Variants in TSNARE1 observed in about 807,000 individuals in gnomAD.
The protein encoded by TSNARE1 is t-SNARE domain-containing protein 1.
Under a neutral mutation model 62.0 loss-of-function variants are expected in TSNARE1, and 49 were observed. The ratio of observed to expected loss-of-function variants is 0.79; its 90% CI spans 0.63 to 1.00. The LOEUF is 1.00. Among genes scored for constraint, TSNARE1 ranks in the 50% least tolerant of loss-of-function variants. The pLI, the probability that TSNARE1 is intolerant of heterozygous loss-of-function variation, is 0.00. For synonymous variants in TSNARE1, 328 were observed against 294.4 expected, an observed-to-expected ratio of 1.11 and a Z score of -1.17; for missense variants, 755 against 700.1, an observed-to-expected ratio of 1.08 and a Z score of -0.88.
At chr8:142,226,715 G>A (rs1379664881) in intron 13 of TSNARE1, among the ~76,000 whole-genome samples, 1 of 152,120 alleles carries the variant, frequency 6.6e-6, no homozygotes, top group East Asian at 1.9e-4. Context: ...GGCTCCCCAG[G>A]GCAGGACCTC....
At chr8:142,406,385 TCAA>T (rs963101878), upstream of TSNARE1, 1 of 152,240 alleles carries the variant, frequency 6.6e-6, no homozygotes, top group Non-Finnish European at 1.5e-5. Context: ...GTCCTGCCCC[TCAA>T]CAACGATGGC....
At position 142,344,537 on chromosome 8, in the gene TSNARE1, C is replaced by G. The variant is rs1023605578; in HGVS notation, c.239-65G>C. 4 of 1,417,550 alleles carry G rather than the reference C, an allele frequency of 2.8e-6. No individual in the cohort carries two copies. In the African/African-American group the frequency reaches 5.9e-5, roughly 21 times the overall value. The allele number at this position is 1,417,550 out of a possible 1,614,324, so 87.8% of individuals were successfully genotyped here. A position where few individuals can be genotyped will look rare whatever the true frequency, so the allele number is the denominator to read the frequency against. ...CCTGTGGAGGCAGCGGCCCCGGCGG[C>G]AGCTCCCTACGGCGCCTCCTCTCTG... On this transcript the variant is annotated intron_variant, in intron 3 of 13. Transcript: ENST00000524325.
intron 11 of TSNARE1, chr8:142,278,557 G>A (rs1359045242): frequency 3.0e-6 from 3 of 985,274 alleles, no homozygotes; most frequent in East Asian, 1.1e-4. Flanking sequence ...GTGTCTTGAG[G>A]AGGAGAGGAG....
In TSNARE1 at chr8:142,284,505, C is replaced by T. The variant is rs781507659; in HGVS notation, c.1291-20G>A. On this transcript the variant is annotated intron_variant, in intron 10 of 13. Transcript: ENST00000524325. Reference sequence around the variant, plus strand: ...GTTGCTCTGTGGAAACAACATAGAACCACATCAGGAGCAGGGCTGTGGGGC... The same window carrying T: ...GTTGCTCTGTGGAAACAACATAGAATCACATCAGGAGCAGGGCTGTGGGGC... The T allele has an allele frequency of 1.2e-6, 2 of 1,609,580 alleles. No homozygotes were observed. Among genetic ancestry groups the T allele is most frequent in the Middle Eastern group, 1.7e-4 (1 of 6,056 alleles).
At chr8:142,341,502 G>C (rs1459161633) in intron 4 of TSNARE1, among the ~76,000 whole-genome samples, 1 of 152,166 alleles carries the variant, frequency 6.6e-6, no homozygotes, top group African/African-American at 2.4e-5. Flanking sequence ...CCCGGGGCCT[G>C]ACCCCAGCCT....
intron 10 of TSNARE1, among the ~76,000 whole-genome samples, chr8:142,292,493 C>T (rs983698333): frequency 5.3e-5 from 8 of 152,196 alleles, no homozygotes; most frequent in East Asian, 3.9e-4. Flanking sequence ...TGGTGGGTGG[C>T]GGGCACAGAC....
Position 142,291,883 on chromosome 8 carries a change from G to A in TSNARE1, c.1291-7398C>T. Among the ~76,000 whole-genome samples the A allele has an allele frequency of 6.6e-6, 1 of 152,128 alleles. No homozygotes were observed. Among genetic ancestry groups the A allele is most frequent in the Non-Finnish European group, 1.5e-5 (1 of 68,010 alleles). ...TGCCCAGGGAACTGTGAGGTGTGGG[G>A]TGAGGAATGAGGGAGAGGACAGTCC... On this transcript the variant is annotated intron_variant, in intron 10 of 13. Coordinates refer to ENST00000524325, the MANE Select transcript of TSNARE1 (RefSeq NM_145003.5). The surrounding 1 kb of genome is among the most constrained non-coding windows in gnomAD (Gnocchi z 4.8).
At chr8:142,267,355 C>G (rs1819188308) in intron 12 of TSNARE1, among the ~76,000 whole-genome samples, 2 of 152,216 alleles carry the variant, frequency 1.3e-5, no homozygotes, top group Non-Finnish European at 2.9e-5. Flanking sequence ...GGGCAAGAAC[C>G]TTCCTCATTT....
chr8:142,311,003 C>T (rs1827486664), intron 9 of TSNARE1, among the ~76,000 whole-genome samples: 1 of 152,036 alleles, frequency 6.6e-6, no homozygotes, highest in Admixed American at 6.6e-5. Flanking sequence ...CACCTGCCAC[C>T]ACACCCGACA....
intron 1 of TSNARE1, among the ~76,000 whole-genome samples, chr8:142,364,208 T>A (rs1563988431): frequency 6.6e-6 from 1 of 152,166 alleles, no homozygotes; most frequent in East Asian, 1.9e-4. Flanking sequence ...TCTGCCCTCA[T>A]GGCAGTCTCC....
At chr8:142,356,526 G>T (rs1834753593) in intron 1 of TSNARE1, among the ~76,000 whole-genome samples, 1 of 152,200 alleles carries the variant, frequency 6.6e-6, no homozygotes, top group African/African-American at 2.4e-5. Flanking sequence ...CATGTGCCGG[G>T]GCCTCATCGG....
At chr8:142,374,176 C>T (rs1319579819) in intron 1 of TSNARE1, among the ~76,000 whole-genome samples, 1 of 151,748 alleles carries the variant, frequency 6.6e-6, no homozygotes, top group Non-Finnish European at 1.5e-5. Context: ...TGGTGGCCCA[C>T]ACCTGTAATC....
At chr8:142,344,821 T>G (rs1232217059) in intron 3 of TSNARE1, among the ~76,000 whole-genome samples, 1 of 152,168 alleles carries the variant, frequency 6.6e-6, no homozygotes, top group African/African-American at 2.4e-5. Flanking sequence ...TTTCCTGCCC[T>G]CAGGCCAGGG....
At chr8:142,300,136 A>G in intron 10 of TSNARE1, 1 of 198,180 alleles carries the variant, frequency 5.0e-6, no homozygotes, top group Non-Finnish European at 1.0e-5. Flanking sequence ...AATCATCTTC[A>G]TTAGAGCTAA....
chr8:142,309,070 TCA>T (rs774533990), intron 9 of TSNARE1, among the ~76,000 whole-genome samples: 4 of 152,260 alleles, frequency 2.6e-5, no homozygotes, highest in Admixed American at 2.0e-4. Context: ...ATTTATTATA[TCA>T]GTCTTTAAAT....
chr8:142,395,024 T>C (rs972586334), intron 1 of TSNARE1, among the ~76,000 whole-genome samples: 1 of 152,158 alleles, frequency 6.6e-6, no homozygotes, highest in Non-Finnish European at 1.5e-5. Context: ...ATTCAGGACC[T>C]GCCCGCCTGC....
At chr8:142,371,894 T>A (rs1360022882) in intron 1 of TSNARE1, among the ~76,000 whole-genome samples, 1 of 152,164 alleles carries the variant, frequency 6.6e-6, no homozygotes, top group Non-Finnish European at 1.5e-5. Flanking sequence ...CATCCATGAG[T>A]TGTCTATGGG....
In TSNARE1 at chr8:142,319,534, GGCACACAC is replaced by G. The variant is rs1829152486; in HGVS notation, c.894-908_894-901del. On this transcript the variant is annotated intron_variant, in intron 6 of 13. Transcript: ENST00000524325. This position sits in a 1 kb window ranked among gnomAD's most constrained non-coding sequence, Gnocchi z 4.9. ...GCAACGGTACCCCAGCCCGGCTGCA[GGCACACAC>G]ACCAAGTGCAGGGAGGACCCTGGCC... Among the ~76,000 whole-genome samples, 1 of 152,130 alleles carries G rather than the reference GGCACACAC, an allele frequency of 6.6e-6. No individual in the cohort carries two copies. Among genetic ancestry groups the G allele is most frequent in the African/African-American group, 2.4e-5 (1 of 41,432 alleles).
chr8:142,338,700 T>TG lies in TSNARE1; in HGVS notation c.745+5265dup, dbSNP rs545975660. ...GCCGGAGGGGATGAGCTGAAGGATG[T>TG]GGCCCCGGCTCAGGTTCAGGCAGGA... On this transcript the variant is annotated intron_variant, in intron 4 of 13. Coordinates refer to ENST00000524325, the MANE Select transcript of TSNARE1 (RefSeq NM_145003.5). Among the ~76,000 whole-genome samples, 89 of 152,352 alleles carry TG rather than the reference T, an allele frequency of 5.8e-4. 1 individual carries two copies. Among genetic ancestry groups the TG allele is most frequent in the African/African-American group, 2.1e-3 (89 of 41,586 alleles).
Sources: allele counts gnomAD v4.1 joint callset (sites outside exome capture counted in the v4.1 genomes callset), GRCh38; gene constraint gnomAD v4.1.1; non-coding constraint Gnocchi (gnomAD v3.1); transcripts MANE v1.5; gene names NCBI Gene and HGNC (gene_info 2026-07-23, HGNC 2026-07-21).